The following MKKS variants were observed in gnomAD, a reference collection of about 807,000 sequenced individuals.
MKKS encodes the protein molecular chaperone MKKS.
MKKS carries 29 observed loss-of-function variants against 33.2 expected under a neutral mutation model. That is an observed-to-expected ratio of 0.87 (90% CI 0.65 to 1.19). The LOEUF is 1.19. Ranked by LOEUF, MKKS falls within the 50% of genes most tolerant of loss-of-function variation. MKKS has a pLI of 0.00. For missense variants in MKKS, 661 were observed against 662.3 expected, an observed-to-expected ratio of 1.00 and a Z score of 0.02; for synonymous variants, 260 against 244.0, an observed-to-expected ratio of 1.07 and a Z score of -0.61.
In MKKS at chr20:10,420,361, G is replaced by A. The variant is rs903697392; in HGVS notation, c.-418+167C>T. Among the ~76,000 whole-genome samples, 22 of 152,198 alleles carry A rather than the reference G, an allele frequency of 1.4e-4. No individual in the cohort carries two copies. The South Asian group carries it at 3.3e-3, about 23-fold the overall frequency. On this transcript the variant is annotated intron_variant, in intron 2 of 5. Transcript: ENST00000347364. ...CAAGTGTCAAATGTCTCTGCACAAC[G>A]AACTTTTCTAGAAACAACTGCAGAA...
intron 1 of MKKS, chr20:10,431,868 G>T (rs2122290950): frequency 6.6e-6 from 1 of 152,380 alleles, no homozygotes; most frequent in East Asian, 1.9e-4. Context: ...TCTTAGTTCA[G>T]ATGTCACCTA....
chr20:10,413,171 G>A lies in MKKS; in HGVS notation c.344C>T (p.Thr115Ile). The A allele has an allele frequency of 6.2e-7, 1 of 1,614,172 alleles. No homozygotes were observed. The highest frequency in any genetic ancestry group is 1.1e-5 in the South Asian group (1 of 91,086). ...AAGATGTTTATTTAATCTAATGACAGTGGTGGGTGTCAAGCCTAATCTCTG... is the reference window on the plus strand; with the variant it reads ...AAGATGTTTATTTAATCTAATGACAATGGTGGGTGTCAAGCCTAATCTCTG... Reference protein sequence around the residue: ...NVQRLGLTPTTVIRLNKHLLS... With the variant: ...NVQRLGLTPTIVIRLNKHLLS... The change falls in exon 3 of 6, where the codon ACT (threonine) becomes ATT (isoleucine). Residue 115 changes from threonine (T) to isoleucine (I), a missense_variant. Coordinates refer to ENST00000347364, the MANE Select transcript of MKKS (RefSeq NM_170784.3).
At chr20:10,409,744 G>A (rs1414110303) in intron 3 of MKKS, among the ~76,000 whole-genome samples, 6 of 151,936 alleles carry the variant, frequency 3.9e-5, no homozygotes, top group African/African-American at 9.7e-5. Flanking sequence ...AGGCTGAGGC[G>A]GGCATTGCCT....
chr20:10,410,607 G>A (rs1345742558), intron 3 of MKKS, among the ~76,000 whole-genome samples: 8 of 152,064 alleles, frequency 5.3e-5, no homozygotes, highest in Admixed American at 2.6e-4. Flanking sequence ...CAGCCTGGGC[G>A]ATAGAGTGAG....
Position 10,405,023 on chromosome 20 carries a change from C to A in MKKS, c.*224G>T. On this transcript the variant is annotated 3_prime_UTR_variant, in exon 6 of 6. Transcript: ENST00000347364. Reference sequence around the variant, plus strand: ...AGCCAGTATAGAATCCCTAAGATAACTATAATATTTTTAAATAAATAATGC... The same window carrying A: ...AGCCAGTATAGAATCCCTAAGATAAATATAATATTTTTAAATAAATAATGC... 2 of 396,472 alleles carry A rather than the reference C, an allele frequency of 5.0e-6. No homozygotes were observed. Among genetic ancestry groups the A allele is most frequent in the South Asian group, 3.9e-5 (1 of 25,402 alleles). The allele number at this position is 396,472 out of a possible 1,614,324, so 24.6% of individuals were successfully genotyped here.
intron 2 of MKKS, among the ~76,000 whole-genome samples, chr20:10,414,977 A>T (rs2064926938): frequency 6.6e-6 from 1 of 152,232 alleles, no homozygotes; most frequent in Non-Finnish European, 1.5e-5. Flanking sequence ...GGATAACAAC[A>T]ACAATAAAAA....
At chr20:10,429,758 C>A (rs141528691) in intron 1 of MKKS, among the ~76,000 whole-genome samples, 1 of 152,132 alleles carries the variant, frequency 6.6e-6, no homozygotes, top group East Asian at 1.9e-4. Context: ...CAGACCCTCG[C>A]GCCCTCACAT....
At chr20:10,426,489 T>C (rs1246547547) in intron 1 of MKKS, among the ~76,000 whole-genome samples, 1 of 151,814 alleles carries the variant, frequency 6.6e-6, no homozygotes, top group Non-Finnish European at 1.5e-5. Flanking sequence ...CACCTCCGCA[T>C]GCCAGATTTA....
At chr20:10,407,022 C>A (rs2064848320) in intron 5 of MKKS, among the ~76,000 whole-genome samples, 1 of 152,126 alleles carries the variant, frequency 6.6e-6, no homozygotes, top group South Asian at 2.1e-4. Flanking sequence ...CTAAACTTAT[C>A]TGAGAGCTGT....
In MKKS at chr20:10,413,415, T is replaced by C. The variant is rs746850356; in HGVS notation, c.100A>G (p.Thr34Ala). The change falls in exon 3 of 6, where the codon ACA becomes GCA. Residue 34 changes from threonine to alanine, a missense_variant. Transcript: ENST00000347364. The stretch of plus-strand genomic sequence containing the variant: ...CTACCTGAGGGGCCATAGCATGATG[T>C]TACAATTCTTTTCAAGACAGAAAGT... ...TTLSVLKRIV[T>A]SCYGPSGRLK... 1.2e-6 allele frequency: 2 copies of C among 1,613,198 alleles called. No individual in the cohort carries two copies. Among genetic ancestry groups the C allele is most frequent in the Non-Finnish European group, 1.7e-6 (2 of 1,179,206 alleles).
chr20:10,412,683 T>G lies in MKKS; in HGVS notation c.832A>C (p.Asn278His), dbSNP rs578252932. The change falls in exon 3 of 6, where the codon AAC becomes CAC. Residue 278 changes from asparagine (N) to histidine (H), a missense_variant. By Grantham distance (68) the Asn-to-His change is moderately conservative (BLOSUM62 1). Transcript: ENST00000347364. ...LENAVLDQLL[N>H]LGRQLISDHV... is the part of the protein sequence containing the mutation. Reference sequence around the variant, plus strand: ...TCACTGATTAGCTGCCTTCCTAGGTTAAGCAGCTGGTCCAAGACTGCATTT... The same window carrying G: ...TCACTGATTAGCTGCCTTCCTAGGTGAAGCAGCTGGTCCAAGACTGCATTT... 6.2e-7 allele frequency: 1 copy of G among 1,614,198 alleles called. No individual in the cohort carries two copies.
Position 10,401,037 on chromosome 20 carries a change from A to G in MKKS, c.*4210T>C, listed in dbSNP as rs149388521. The stretch of plus-strand genomic sequence containing the variant: ...AGATGGCTAAAATAAGATGTTTATT[A>G]TAAGTATTTTCTCAAAGAGAATTTT... On this transcript the variant is annotated 3_prime_UTR_variant, in exon 6 of 6. Coordinates refer to ENST00000347364, the MANE Select transcript of MKKS (RefSeq NM_170784.3). 3.9e-5 allele frequency: 6 copies of G among 152,286 alleles called. No individual in the cohort carries two copies. Among genetic ancestry groups the G allele is most frequent in the Non-Finnish European group, 5.9e-5 (4 of 68,022 alleles). 9.4% of individuals were successfully genotyped at this position (152,286 alleles called of 1,614,324 possible).
intron 2 of MKKS, among the ~76,000 whole-genome samples, chr20:10,417,494 C>G (rs1256677618): frequency 6.6e-6 from 1 of 152,046 alleles, no homozygotes; most frequent in Non-Finnish European, 1.5e-5. Context: ...GCCTATAGTC[C>G]CAGCTACTTG....
In MKKS at chr20:10,434,222, C is replaced by G. The variant is rs527765197; in HGVS notation, c.-763G>C. The G allele has an allele frequency of 2.6e-5, 4 of 152,256 alleles. No individual in the cohort carries two copies. The highest frequency in any genetic ancestry group is 5.9e-5 in the Non-Finnish European group (4 of 68,076). The allele number at this position is 152,256 out of a possible 1,614,324, so 9.4% of individuals were successfully genotyped here. On this transcript the variant is annotated 5_prime_UTR_variant, in exon 1 of 6. Transcript: ENST00000347364. ...ACAACCTTCGCGTCGCGCGAGGGCA[C>G]GGAGCACGCGCAGCTCTGCGGTCGA... is the stretch of plus-strand genomic sequence containing the variant.
At chr20:10,409,320 C>T (rs975242986) in intron 3 of MKKS, among the ~76,000 whole-genome samples, 4 of 152,050 alleles carry the variant, frequency 2.6e-5, no homozygotes, top group Admixed American at 2.6e-4. Context: ...TTTTGTCTGG[C>T]AACTATTTAT....
rs563913026 is a variant in MKKS, at chr20:10,423,511, G to A, written c.-648-2753C>T. Among the ~76,000 whole-genome samples, 19 of 152,250 alleles carry A rather than the reference G, an allele frequency of 1.2e-4. No homozygotes were observed. The East Asian group carries it at 3.7e-3, about 29-fold the overall frequency. On this transcript the variant is annotated intron_variant, in intron 1 of 5. Transcript: ENST00000347364. ...TTTGTAACTCAAGAACTAAAATTAG[G>A]AACAAATTAAATGACAATCTGTAAC...
chr20:10,406,660 G>C (rs1279834775), intron 5 of MKKS, among the ~76,000 whole-genome samples: 1 of 152,174 alleles, frequency 6.6e-6, no homozygotes, highest in Admixed American at 6.5e-5. Flanking sequence ...ATAACTGAAT[G>C]ATGGGTTAAA....
rs2065081263 is a variant in MKKS at position 10,434,177 on chromosome 20, C to G, written c.-718G>C. On this transcript the variant is annotated 5_prime_UTR_variant, in exon 1 of 6. Transcript: ENST00000347364. ...GCCCCAGAAACAGATCTCAAGCAGC[C>G]GCTGCTGCCGCGGATCCCGACAACC... 6.6e-6 allele frequency: 1 copy of G among 152,360 alleles called. No homozygotes were observed. Among genetic ancestry groups the G allele is most frequent in the Non-Finnish European group, 1.5e-5 (1 of 68,186 alleles). 9.4% of individuals were successfully genotyped at this position (152,360 alleles called of 1,614,324 possible).
chr20:10,408,534 C>A, intron 4 of MKKS, 94 bp downstream of exon 4: 3 of 1,304,066 alleles, frequency 2.3e-6, no homozygotes, highest in Non-Finnish European at 2.2e-6. Flanking sequence ...TTCTATACTA[C>A]CTAGGGAAGC....
Sources: allele counts gnomAD v4.1 joint callset (sites outside exome capture counted in the v4.1 genomes callset), GRCh38; gene constraint gnomAD v4.1.1; transcripts MANE v1.5; gene names NCBI Gene and HGNC (gene_info 2026-07-23, HGNC 2026-07-21).